PGA5: variants seen among roughly 807,000 people sequenced by gnomAD.
The protein encoded by PGA5 is pepsinogen A5.
Under a neutral mutation model 15.9 loss-of-function variants are expected in PGA5, and 19 were observed. The observed-to-expected ratio is 1.19, with a 90% CI of 0.83 to 1.75. The LOEUF is 1.75. PGA5 is among the 40% of genes most tolerant of loss of function. The pLI, the probability that PGA5 is intolerant of heterozygous loss-of-function variation, is 0.00. For synonymous variants in PGA5, 92 were observed against 95.8 expected, an observed-to-expected ratio of 0.96 and a Z score of 0.23; for missense variants, 224 against 246.4, an observed-to-expected ratio of 0.91 and a Z score of 0.61.
intron 8 of PGA5, among the ~76,000 whole-genome samples, chr11:61,250,279 G>A (rs1854122137): frequency 6.6e-6 from 1 of 151,284 alleles, no homozygotes; most frequent in African/African-American, 2.5e-5. Context: ...CTGCGTCCAA[G>A]TCCTGGGTCT....
chr11:61,246,763 CAATAAATAAATA>C (rs147138290), intron 5 of PGA5, among the ~76,000 whole-genome samples: 16 of 147,288 alleles, frequency 1.1e-4, no homozygotes, highest in African/African-American at 1.8e-4. Context: ...GACTCCATCT[CAATAAATAAATA>C]AATAAATAAA....
chr11:61,250,650 T>A (rs1333408082), intron 8 of PGA5: 3 of 460,764 alleles, frequency 6.5e-6, no homozygotes, highest in Non-Finnish European at 1.3e-5. Context: ...CTGATTACAT[T>A]AGGAGAGGGC....
At position 61,247,594 on chromosome 11, in the gene PGA5, T is replaced by A. The variant is rs117958031; in HGVS notation, c.657-825T>A. ...GCCCAGCCCCGGATAATTAATTTCT[T>A]ATTGCCGTCTACATTTCCTTCCACA... On this transcript the variant is annotated intron_variant, in intron 5 of 8. Coordinates refer to ENST00000312403, the MANE Select transcript of PGA5 (RefSeq NM_014224.5). Among the ~76,000 whole-genome samples the A allele has an allele frequency of 5.6e-3, 849 of 152,178 alleles. 5 individuals carry two copies. Among genetic ancestry groups the A allele is most frequent in the Non-Finnish European group, 9.0e-3 (613 of 68,026 alleles).
intron 5 of PGA5, among the ~76,000 whole-genome samples, chr11:61,246,833 T>C (rs1361586251): frequency 6.6e-6 from 1 of 151,840 alleles, no homozygotes; most frequent in Non-Finnish European, 1.5e-5. Context: ...CAAAATTCCA[T>C]AGCACAAAAA....
rs770670264 is a variant in PGA5, at chr11:61,248,419, C to T, written c.657C>T (p.Ala219=). ...TGTCTTCTCCCCTCACTTTCCACAG[C>T]GATGACAAGAGTGGCAGCGTGGTGA... ...SQDLFSVYLS[A]DDKSGSVVIF... is the part of the protein sequence containing the mutation. Residue 219 remains alanine, a splice_region_variant and synonymous_variant, in exon 6 of 9, where the codon GCC becomes GCT. Transcript: ENST00000312403. The T allele has an allele frequency of 1.1e-5, 17 of 1,613,732 alleles. No individual in the cohort carries two copies. The Admixed American group carries it at 1.5e-4, about 14-fold the overall frequency.
In PGA5 at chr11:61,248,434, C is replaced by A; in HGVS notation, c.672C>A (p.Gly224=). 1 of 1,613,834 alleles carries A rather than the reference C, an allele frequency of 6.2e-7. No individual in the cohort carries two copies. Among genetic ancestry groups the A allele is most frequent in the Admixed American group, 1.7e-5 (1 of 60,020 alleles). ...SVYLSADDKS[G]SVVIFGGIDS... is the part of the protein sequence containing the mutation. The stretch of plus-strand genomic sequence containing the variant: ...CTTTCCACAGCGATGACAAGAGTGG[C>A]AGCGTGGTGATCTTTGGTGGCATTG... The change falls in exon 6 of 9, where the codon GGC becomes GGA. Residue 224 remains glycine, a synonymous_variant. Coordinates refer to ENST00000312403, the MANE Select transcript of PGA5 (RefSeq NM_014224.5).
intron 8 of PGA5, among the ~76,000 whole-genome samples, chr11:61,250,437 T>C (rs1854124443): frequency 1.3e-5 from 2 of 151,368 alleles, no homozygotes; most frequent in African/African-American, 4.9e-5. Context: ...CTACCAAGGG[T>C]TGGGCAAATG....
chr11:61,249,218 T>C (rs992594717), intron 6 of PGA5: 2 of 329,434 alleles, frequency 6.1e-6, no homozygotes, highest in African/African-American at 4.3e-5. Context: ...CTGGTCTCTG[T>C]ACCTCCCCGC....
rs530237929 is a variant in PGA5, at chr11:61,251,233, C to T, written c.1119C>T (p.Thr373=). ...ATGTCTTCATCCGCCAGTACTTTAC[C>T]GTCTTCGACAGGGCAAACAACCAGG... The part of the protein sequence containing the change: ...LGDVFIRQYF[T]VFDRANNQVG... Residue 373 remains threonine (T), a synonymous_variant, in exon 9 of 9, where the codon ACC becomes ACT. Coordinates refer to ENST00000312403, the MANE Select transcript of PGA5 (RefSeq NM_014224.5). 7.6e-5 allele frequency: 122 copies of T among 1,611,812 alleles called. 1 individual carries two copies. In the East Asian group the frequency reaches 1.8e-3, roughly 24 times the overall value.
At chr11:61,247,515 G>C (rs1184067932) in intron 5 of PGA5, among the ~76,000 whole-genome samples, 1 of 151,884 alleles carries the variant, frequency 6.6e-6, no homozygotes, top group Non-Finnish European at 1.5e-5. Context: ...CTGACCTCGT[G>C]ATCCACCTGC....
intron 6 of PGA5, 128 bp downstream of exon 6, chr11:61,248,663 G>T (rs1053157716): frequency 6.4e-7 from 1 of 1,553,696 alleles, no homozygotes; most frequent in East Asian, 2.3e-5. Flanking sequence ...CACTCCAGGG[G>T]GAAGGTGGAA....
rs370860528 is a variant in PGA5 at position 61,249,873 on chromosome 11, C to G, written c.919-43C>G. 1.6e-3 allele frequency: 2,558 copies of G among 1,608,036 alleles called. 98 individuals are homozygous for G. The highest frequency in any genetic ancestry group is 0.015 in the South Asian group (1,305 of 88,014). ...AAGTAGTGGGTGTGCCAGGCAGAAG[C>G]GACGAAAACCCTTCTAACTTTTCTC... On this transcript the variant is annotated intron_variant, in intron 7 of 8. Coordinates refer to ENST00000312403, the MANE Select transcript of PGA5 (RefSeq NM_014224.5).
chr11:61,250,076 T>C (rs1783875), intron 8 of PGA5, 62 bp downstream of exon 8: 38,822 of 1,519,328 alleles, frequency 0.026, 1,284 homozygotes, highest in African/African-American at 0.068. Context: ...CAGAGTCCCC[T>C]TCTGCAGAGG....
In PGA5 at chr11:61,251,365, T is replaced by C; in HGVS notation, c.*84T>C. 1 of 1,603,682 alleles carries C rather than the reference T, an allele frequency of 6.2e-7. No homozygotes were observed. Among genetic ancestry groups the C allele is most frequent in the Non-Finnish European group, 8.5e-7 (1 of 1,174,928 alleles). ...AGATGTATCTAATTCTCCTGACTGTTCTTCCCAGGGGAGTGTGAAGGTCTT... is the reference window on the plus strand; with the variant it reads ...AGATGTATCTAATTCTCCTGACTGTCCTTCCCAGGGGAGTGTGAAGGTCTT... On this transcript the variant is annotated 3_prime_UTR_variant, in exon 9 of 9. Transcript: ENST00000312403.
At chr11:61,248,593 T>A in intron 6 of PGA5, 58 bp downstream of exon 6, 1 of 1,600,748 alleles carries the variant, frequency 6.2e-7, no homozygotes, top group Non-Finnish European at 8.5e-7. Flanking sequence ...CATTTCCTTA[T>A]GGATTCATAG....
At chr11:61,247,349 C>T (rs1359073092) in intron 5 of PGA5, among the ~76,000 whole-genome samples, 1 of 151,142 alleles carries the variant, frequency 6.6e-6, no homozygotes, top group African/African-American at 2.4e-5. Flanking sequence ...CGCTATCTCG[C>T]CTCACTGCAA....
chr11:61,249,307 C>T (rs1188308391), intron 6 of PGA5: 6 of 405,264 alleles, frequency 1.5e-5, no homozygotes, highest in Non-Finnish European at 2.8e-5. Context: ...GGCTGCTCCC[C>T]TCCACCACCT....
intron 5 of PGA5, among the ~76,000 whole-genome samples, chr11:61,246,554 G>C (rs555061996): frequency 3.3e-5 from 5 of 151,750 alleles, no homozygotes; most frequent in African/African-American, 1.2e-4. Flanking sequence ...CTGAAGTCAG[G>C]AGTTCAAGAC....
At chr11:61,245,864 G>T in intron 4 of PGA5, 82 bp from the exon 5 acceptor site, 1 of 145,584 alleles carries the variant, frequency 6.9e-6, no homozygotes, top group East Asian at 1.5e-4. Context: ...GATGAACCAG[G>T]GTGGCTCTGG....
Sources: allele counts gnomAD v4.1 joint callset (sites outside exome capture counted in the v4.1 genomes callset), GRCh38; gene constraint gnomAD v4.1.1; transcripts MANE v1.5; gene names NCBI Gene and HGNC (gene_info 2026-07-23, HGNC 2026-07-21).